Variants in EDA observed in about 807,000 individuals in gnomAD.
EDA encodes ectodysplasin-A.
A neutral mutation model predicts 23.6 loss-of-function variants in EDA; 2 were observed. The observed-to-expected ratio is 0.08, with a 90% CI of 0.03 to 0.27. The LOEUF (loss-of-function observed/expected upper bound fraction) is 0.27. Ranked by LOEUF, EDA falls within the 10% of genes least tolerant of loss-of-function variation. The probability of loss-of-function intolerance (pLI) is 1.00; values close to 1 mark genes in which losing one functional copy is unlikely to be tolerated. For missense variants in EDA, 229 were observed against 324.2 expected (o/e 0.71, Z 2.26); for synonymous variants, 131 against 132.0 (o/e 0.99, Z 0.05).
intron 1 of EDA, among the ~76,000 whole-genome samples, chrX:69,753,532 G>C (rs1445310221): frequency 1.8e-5 from 2 of 112,127 alleles, no homozygotes; most frequent in Non-Finnish European, 3.8e-5. Flanking sequence ...GCAATGTGGT[G>C]CTGAGAAGAA....
At chrX:69,881,288 A>C (rs1020801363) in intron 1 of EDA, among the ~76,000 whole-genome samples, 10 of 108,187 alleles carry the variant, frequency 9.2e-5, no homozygotes, top group African/African-American at 3.0e-4. Context: ...CTCCACCACC[A>C]CCCCCCAAAA....
At chrX:69,797,260 A>G (rs993070124) in intron 1 of EDA, among the ~76,000 whole-genome samples, 8 of 111,381 alleles carry the variant, frequency 7.2e-5, no homozygotes, top group Non-Finnish European at 1.5e-4. Context: ...TACATAGCAA[A>G]AAGATCTTCT....
In EDA at chrX:70,037,099, G is replaced by A. The variant is rs2020277875; in HGVS notation, c.*1490G>A. The A allele has an allele frequency of 8.9e-6, 1 of 112,470 alleles. No homozygotes were observed. Among genetic ancestry groups the A allele is most frequent in the African/African-American group, 3.2e-5 (1 of 30,962 alleles). 9.3% of individuals were successfully genotyped at this position (112,470 alleles called of 1,213,427 possible). On this transcript the variant is annotated 3_prime_UTR_variant, in exon 8 of 8. Coordinates refer to ENST00000374552, the MANE Select transcript of EDA (RefSeq NM_001399.5). ...TGCCTGGGCTCAGCCTGGTTTCTGG[G>A]TGCTAGATCCAGCCCAAACCTGGGA...
intron 1 of EDA, among the ~76,000 whole-genome samples, chrX:69,688,381 A>G (rs1229763879): frequency 2.7e-5 from 3 of 111,646 alleles, no homozygotes; most frequent in African/African-American, 9.8e-5. Context: ...CCACTGATAT[A>G]TGTAAGCAAA....
intron 3 of EDA, among the ~76,000 whole-genome samples, chrX:70,027,049 A>C (rs775242828): frequency 3.8e-4 from 43 of 111,753 alleles, no homozygotes; most frequent in African/African-American, 1.4e-3. Context: ...ATCGACATCA[A>C]GTCCACCAAA....
intron 1 of EDA, among the ~76,000 whole-genome samples, chrX:69,942,567 A>G (rs764764758): frequency 1.8e-5 from 2 of 111,192 alleles, no homozygotes; most frequent in African/African-American, 6.5e-5. Context: ...TGCCAGATGT[A>G]TACAGCTCCA....
intron 1 of EDA, among the ~76,000 whole-genome samples, chrX:69,711,960 A>AT (rs1008191858): frequency 9.0e-6 from 1 of 110,541 alleles, no homozygotes; most frequent in African/African-American, 3.3e-5. Flanking sequence ...GGATTCATTG[A>AT]TTTTTTTGAA....
chrX:69,762,201 C>T (rs1569322553), intron 1 of EDA, among the ~76,000 whole-genome samples: 1 of 111,501 alleles, frequency 9.0e-6, no homozygotes. Flanking sequence ...GTGAATTTTT[C>T]GTGAATAGTA....
chrX:69,778,061 T>C (rs997137684), intron 1 of EDA, among the ~76,000 whole-genome samples: 2 of 111,754 alleles, frequency 1.8e-5, no homozygotes, highest in Admixed American at 1.9e-4. Context: ...GTCAAATCTA[T>C]ATAATGATCA....
intron 1 of EDA, among the ~76,000 whole-genome samples, chrX:69,773,920 T>C (rs1365434394): frequency 8.9e-6 from 1 of 112,004 alleles, no homozygotes; most frequent in Non-Finnish European, 1.9e-5. Context: ...GGATATTTTT[T>C]TATTCCATAA....
At chrX:69,813,842 C>A (rs1358531278) in intron 1 of EDA, among the ~76,000 whole-genome samples, 1 of 109,100 alleles carries the variant, frequency 9.2e-6, no homozygotes, top group African/African-American at 3.3e-5. Context: ...CCAACAAAGA[C>A]AGCTGTCTGA....
intron 1 of EDA, among the ~76,000 whole-genome samples, chrX:69,822,738 G>T (rs1334571869): frequency 9.1e-6 from 1 of 109,448 alleles, no homozygotes; most frequent in Non-Finnish European, 1.9e-5. Flanking sequence ...GGGTACATGT[G>T]CACAATGTGC....
At chrX:69,871,158 T>G (rs2017560355) in intron 1 of EDA, among the ~76,000 whole-genome samples, 1 of 111,435 alleles carries the variant, frequency 9.0e-6, no homozygotes, top group Admixed American at 9.6e-5. Flanking sequence ...CTCCATACTA[T>G]TAGAAGTAGA....
chrX:69,902,857 A>G (rs2018118021), intron 1 of EDA, among the ~76,000 whole-genome samples: 1 of 111,646 alleles, frequency 9.0e-6, no homozygotes, highest in African/African-American at 3.3e-5. Context: ...CTGAGGAGGC[A>G]TCTCTCCCCA....
chrX:69,694,087 T>C (rs2011255472), intron 1 of EDA, among the ~76,000 whole-genome samples: 1 of 112,245 alleles, frequency 8.9e-6, no homozygotes, highest in Non-Finnish European at 1.9e-5. Context: ...TTTTTCATAA[T>C]TGGCATAATT....
chrX:70,010,632 A>G (rs2019861964), intron 2 of EDA, among the ~76,000 whole-genome samples: 2 of 112,024 alleles, frequency 1.8e-5, no homozygotes, highest in Non-Finnish European at 3.8e-5. Context: ...AGCTGGATTA[A>G]TATCTATCAT....
intron 1 of EDA, among the ~76,000 whole-genome samples, chrX:69,908,718 G>A (rs185543149): frequency 1.6e-3 from 179 of 109,439 alleles, no homozygotes; most frequent in African/African-American, 5.7e-3. Flanking sequence ...TTAAATATTA[G>A]AAAAAATGGT....
chrX:69,797,252 C>T (rs2015566192), intron 1 of EDA, among the ~76,000 whole-genome samples: 1 of 110,913 alleles, frequency 9.0e-6, no homozygotes, highest in African/African-American at 3.3e-5. Flanking sequence ...CAAACACATA[C>T]ATAGCAAAAA....
At chrX:69,861,180 G>A in intron 1 of EDA, 1 of 283,823 alleles carries the variant, frequency 3.5e-6, no homozygotes, top group Non-Finnish European at 6.3e-6. Context: ...AACAAGCAAA[G>A]ATTGTTTAAA....
Sources: gnomAD v4.1 joint callset for allele counts (sites outside exome capture counted in the v4.1 genomes callset) on GRCh38, gnomAD v4.1.1 for gene constraint, MANE v1.5 for transcripts, NCBI Gene and HGNC (gene_info 2026-07-23, HGNC 2026-07-21) for gene names.